ADCY8: variants seen among roughly 807,000 people sequenced by gnomAD.
The protein encoded by ADCY8 is adenylate cyclase 8.
A neutral mutation model predicts 119.7 loss-of-function variants in ADCY8; 51 were observed. The ratio of observed to expected loss-of-function variants is 0.43; its 90% confidence interval spans 0.34 to 0.54. The LOEUF is 0.54. Among genes scored for constraint, ADCY8 ranks in the 20% least tolerant of loss-of-function variants. The pLI is 0.03. For missense variants in ADCY8, 1,383 were observed against 1,598.8 expected, an observed-to-expected ratio of 0.87 and a Z score of 2.30; for synonymous variants, 665 against 651.0, an observed-to-expected ratio of 1.02 and a Z score of -0.33.
intron 14 of ADCY8, among the ~76,000 whole-genome samples, chr8:130,805,317 G>A (rs1012080542): frequency 6.6e-6 from 1 of 152,158 alleles, no homozygotes; most frequent in Non-Finnish European, 1.5e-5. Context: ...TTGTTATGAC[G>A]TAGAGCTGAA....
intron 2 of ADCY8, among the ~76,000 whole-genome samples, chr8:130,969,489 T>C (rs1821860698): frequency 6.6e-6 from 1 of 152,240 alleles, no homozygotes; most frequent in African/African-American, 2.4e-5. Flanking sequence ...ATAGTTATTA[T>C]CATTGCTGTT....
chr8:130,920,342 T>C (rs1489844301), intron 5 of ADCY8, among the ~76,000 whole-genome samples: 1 of 151,928 alleles, frequency 6.6e-6, no homozygotes, highest in Non-Finnish European at 1.5e-5. Context: ...TGAGGAGCCT[T>C]CCATTTAGAA....
chr8:130,946,974 T>C (rs1403452890), intron 3 of ADCY8, among the ~76,000 whole-genome samples: 1 of 152,182 alleles, frequency 6.6e-6, no homozygotes, highest in Non-Finnish European at 1.5e-5. Flanking sequence ...ACCAGGGCCC[T>C]GGTTCTCATT....
chr8:130,943,745 G>A (rs997277443), intron 3 of ADCY8, among the ~76,000 whole-genome samples: 2 of 152,180 alleles, frequency 1.3e-5, no homozygotes, highest in Non-Finnish European at 2.9e-5. Context: ...AAAAGAATTT[G>A]TCACCATGAA....
chr8:130,895,932 GGT>G (rs922966494), intron 7 of ADCY8, among the ~76,000 whole-genome samples: 3 of 152,138 alleles, frequency 2.0e-5, no homozygotes, highest in African/African-American at 7.2e-5. Flanking sequence ...CAATATTTCA[GGT>G]GTTTTTAGGG....
intron 9 of ADCY8, among the ~76,000 whole-genome samples, chr8:130,855,975 A>G (rs1302652771): frequency 6.6e-6 from 1 of 152,050 alleles, no homozygotes; most frequent in East Asian, 1.9e-4. Flanking sequence ...AAAATGCTTT[A>G]ATGAAGACTC....
chr8:130,953,945 T>C (rs1049801402), intron 2 of ADCY8, among the ~76,000 whole-genome samples: 2 of 152,206 alleles, frequency 1.3e-5, no homozygotes, highest in African/African-American at 4.8e-5. Context: ...TTTGTGCTAT[T>C]TGTCAACTTC....
chr8:131,019,833 C>CTGTCTG (rs1437940699), intron 1 of ADCY8, among the ~76,000 whole-genome samples: 25 of 111,410 alleles, frequency 2.2e-4, no homozygotes, highest in Middle Eastern at 4.7e-3. Context: ...CTCTCTCTCT[C>CTGTCTG]TCTCTGTCTG....
rs1046015495 is a variant in ADCY8, at chr8:130,855,695, G to T, written c.2211-5892C>A. On this transcript the variant is annotated intron_variant, in intron 9 of 17. Coordinates refer to ENST00000286355, the MANE Select transcript of ADCY8 (RefSeq NM_001115.3). Reference sequence around the variant, plus strand: ...TCCAGTGCCAAGTCCAGATCCGCGGGCTCATCCTGGTCTTCTCCATCTCTC... The same window carrying T: ...TCCAGTGCCAAGTCCAGATCCGCGGTCTCATCCTGGTCTTCTCCATCTCTC... 2.6e-5 allele frequency among the ~76,000 whole-genome samples: 4 copies of T among 152,012 alleles called. No individual in the cohort carries two copies. In the South Asian group the frequency reaches 8.3e-4, roughly 32 times the overall value.
intron 9 of ADCY8, among the ~76,000 whole-genome samples, chr8:130,864,965 T>A (rs1818064148): frequency 1.3e-5 from 2 of 152,276 alleles, no homozygotes; most frequent in Admixed American, 1.3e-4. Flanking sequence ...AAATAGATAT[T>A]TTCTGTGAGG....
chr8:130,976,011 C>T (rs1247514674), intron 2 of ADCY8, among the ~76,000 whole-genome samples: 1 of 139,928 alleles, frequency 7.1e-6, no homozygotes, highest in Non-Finnish European at 1.5e-5. Flanking sequence ...AATATTACTT[C>T]AGTATGCTAA....
At chr8:130,978,866 A>G (rs12682035) in intron 2 of ADCY8, among the ~76,000 whole-genome samples, 38,523 of 152,054 alleles carry the variant, frequency 0.25, 6,972 homozygotes, top group African/African-American at 0.52. Flanking sequence ...TGAGTGGAAG[A>G]CTCTAAGAAA....
At chr8:130,874,598 A>G (rs1818490662) in intron 8 of ADCY8, among the ~76,000 whole-genome samples, 1 of 152,208 alleles carries the variant, frequency 6.6e-6, no homozygotes, top group African/African-American at 2.4e-5. Context: ...ACAAGGAAAC[A>G]TGCTAACATG....
At chr8:130,907,645 A>T (rs543435218) in intron 6 of ADCY8, among the ~76,000 whole-genome samples, 13 of 152,302 alleles carry the variant, frequency 8.5e-5, no homozygotes, top group African/African-American at 3.1e-4. Flanking sequence ...CACGGTTCAG[A>T]CTCATGACTC....
intron 9 of ADCY8, among the ~76,000 whole-genome samples, chr8:130,852,536 G>A (rs2130328797): frequency 6.6e-6 from 1 of 152,278 alleles, no homozygotes; most frequent in South Asian, 2.1e-4. Context: ...AGGCTCATGT[G>A]GCTCATTCAC....
chr8:130,834,150 A>G (rs1439473954), intron 12 of ADCY8, among the ~76,000 whole-genome samples: 1 of 152,228 alleles, frequency 6.6e-6, no homozygotes, highest in Admixed American at 6.5e-5. Flanking sequence ...ATCATGTTTT[A>G]TACCATAAGT....
intron 7 of ADCY8, among the ~76,000 whole-genome samples, chr8:130,893,844 GTGTGTTTTGGGGTGTGCATGTTTA>G (rs1819290408): frequency 6.7e-6 from 1 of 150,340 alleles, no homozygotes; most frequent in African/African-American, 2.5e-5. Flanking sequence ...GTGCATGTTT[GTGTGTTTTGGGGTGTGCATGTTTA>G]TGTGTGTGTT....
chr8:130,884,551 G>C lies in ADCY8; in HGVS notation c.2109+13C>G. 6.2e-7 allele frequency: 1 copy of C among 1,613,224 alleles called. No homozygotes were observed. The highest frequency in any genetic ancestry group is 8.5e-7 in the Non-Finnish European group (1 of 1,179,592). On this transcript the variant is annotated intron_variant, in intron 8 of 17. Coordinates refer to ENST00000286355, the MANE Select transcript of ADCY8 (RefSeq NM_001115.3). Reference sequence around the variant, plus strand: ...TACTCAGAAAAAGAGCCGCTGTGGAGACCCAGCTCTACCTTGTGCTCCAGG... The same window carrying C: ...TACTCAGAAAAAGAGCCGCTGTGGACACCCAGCTCTACCTTGTGCTCCAGG...
intron 14 of ADCY8, among the ~76,000 whole-genome samples, chr8:130,806,890 C>T (rs1815976588): frequency 1.3e-5 from 2 of 152,108 alleles, no homozygotes; most frequent in South Asian, 2.1e-4. Context: ...GAGGGGCACA[C>T]GGAGGAGCTC....
Sources: allele counts gnomAD v4.1 joint callset (sites outside exome capture counted in the v4.1 genomes callset), GRCh38; gene constraint gnomAD v4.1.1; transcripts MANE v1.5; gene names NCBI Gene and HGNC (gene_info 2026-07-23, HGNC 2026-07-21).